The following LRRC4C variants were observed in gnomAD, a reference collection of about 807,000 sequenced individuals.
The protein encoded by LRRC4C is leucine-rich repeat-containing protein 4C.
In LRRC4C, 5 loss-of-function variants were observed where a neutral mutation model predicts 33.6. The observed-to-expected ratio is 0.15, with a 90% CI of 0.08 to 0.31. The LOEUF (loss-of-function observed/expected upper bound fraction) is 0.31, where lower values mean the gene tolerates loss of function less well. Among genes scored for constraint, LRRC4C ranks in the 10% least tolerant of loss-of-function variants. LRRC4C has a pLI of 1.00. For missense variants in LRRC4C, 560 were observed against 796.7 expected (o/e 0.70, Z 3.58); for synonymous variants, 329 against 302.0 (o/e 1.09, Z -0.93).
intron 1 of LRRC4C, among the ~76,000 whole-genome samples, chr11:40,964,412 C>T (rs1674349757): frequency 6.6e-6 from 1 of 151,670 alleles, no homozygotes; most frequent in African/African-American, 2.4e-5. Flanking sequence ...GCTACATGTG[C>T]ACAACGTGCA....
intron 1 of LRRC4C, among the ~76,000 whole-genome samples, chr11:41,240,699 T>C (rs1317029686): frequency 6.6e-6 from 1 of 152,156 alleles, no homozygotes; most frequent in Non-Finnish European, 1.5e-5. Flanking sequence ...ACTTTCTTGC[T>C]GATAAATTGG....
intron 1 of LRRC4C, among the ~76,000 whole-genome samples, chr11:40,955,751 A>T (rs1433931104): frequency 6.6e-6 from 1 of 151,890 alleles, no homozygotes; most frequent in Non-Finnish European, 1.5e-5. Context: ...CTTGCTTTGG[A>T]AAATGCAGAC....
At chr11:40,477,049 CAGAA>C (rs753959194) in intron 3 of LRRC4C, among the ~76,000 whole-genome samples, 6 of 152,190 alleles carry the variant, frequency 3.9e-5, no homozygotes, top group Non-Finnish European at 5.9e-5. Context: ...GGTCTCAGGC[CAGAA>C]CTGTCTGATT....
intron 1 of LRRC4C, among the ~76,000 whole-genome samples, chr11:41,013,993 C>T (rs560234830): frequency 8.5e-5 from 13 of 152,240 alleles, no homozygotes; most frequent in East Asian, 5.8e-4. Context: ...CCCATGACCG[C>T]GTCGCCTTTC....
chr11:40,406,727 A>G (rs1321699774), intron 3 of LRRC4C, among the ~76,000 whole-genome samples: 2 of 152,154 alleles, frequency 1.3e-5, no homozygotes, highest in African/African-American at 4.8e-5. Flanking sequence ...ATATGTATTG[A>G]AAATAAAATC....
At chr11:40,998,947 T>C (rs549668930) in intron 1 of LRRC4C, among the ~76,000 whole-genome samples, 1 of 152,256 alleles carries the variant, frequency 6.6e-6, no homozygotes, top group African/African-American at 2.4e-5. Flanking sequence ...ATGTATTAAA[T>C]TCTTAAATGA....
At chr11:41,243,515 A>G (rs919986354) in intron 1 of LRRC4C, among the ~76,000 whole-genome samples, 2 of 152,154 alleles carry the variant, frequency 1.3e-5, no homozygotes, top group African/African-American at 4.8e-5. Context: ...TTCCCAGATA[A>G]GTATTTCCTT....
At chr11:40,591,289 T>G (rs891834962) in intron 3 of LRRC4C, among the ~76,000 whole-genome samples, 1 of 152,180 alleles carries the variant, frequency 6.6e-6, no homozygotes, top group African/African-American at 2.4e-5. Context: ...GGGAACTCCC[T>G]GACCCCTTGT....
At chr11:40,276,903 G>C (rs760572259) in intron 4 of LRRC4C, among the ~76,000 whole-genome samples, 5 of 152,066 alleles carry the variant, frequency 3.3e-5, no homozygotes, top group Non-Finnish European at 7.4e-5. Flanking sequence ...CGGAGAAGCT[G>C]AAAATGGCAA....
At chr11:40,614,137 G>A (rs1468534362) in intron 3 of LRRC4C, among the ~76,000 whole-genome samples, 2 of 151,862 alleles carry the variant, frequency 1.3e-5, no homozygotes, top group Admixed American at 6.6e-5. Flanking sequence ...AAGCCATGAA[G>A]TCAGGTATTG....
intron 1 of LRRC4C, among the ~76,000 whole-genome samples, chr11:41,069,748 T>G (rs961115825): frequency 6.6e-6 from 1 of 152,104 alleles, no homozygotes; most frequent in Non-Finnish European, 1.5e-5. Context: ...TACAAACCAC[T>G]GCTCAAGGAA....
intron 2 of LRRC4C, among the ~76,000 whole-genome samples, chr11:40,916,877 T>C (rs895003400): frequency 6.6e-6 from 1 of 152,084 alleles, no homozygotes; most frequent in African/African-American, 2.4e-5. Context: ...ATGAAATATG[T>C]ATATTATCAA....
intron 2 of LRRC4C, among the ~76,000 whole-genome samples, chr11:40,709,585 G>T (rs918162560): frequency 2.6e-5 from 4 of 152,184 alleles, no homozygotes; most frequent in Non-Finnish European, 4.4e-5. Flanking sequence ...CTGTTAGTCT[G>T]ATGGGCTTCC....
intron 1 of LRRC4C, among the ~76,000 whole-genome samples, chr11:41,039,359 C>T (rs890514409): frequency 6.6e-6 from 1 of 152,180 alleles, no homozygotes; most frequent in South Asian, 2.1e-4. Flanking sequence ...AGTATTAACA[C>T]TTCTGTGTTA....
At chr11:41,045,360 C>T (rs940046903) in intron 1 of LRRC4C, among the ~76,000 whole-genome samples, 1 of 152,060 alleles carries the variant, frequency 6.6e-6, no homozygotes, top group Non-Finnish European at 1.5e-5. Flanking sequence ...CAAGCTGTTT[C>T]GTTCCCATAA....
intron 5 of LRRC4C, among the ~76,000 whole-genome samples, chr11:40,144,042 A>G (rs1345173256): frequency 6.6e-6 from 1 of 152,184 alleles, no homozygotes; most frequent in Non-Finnish European, 1.5e-5. Flanking sequence ...AAGTTCATAA[A>G]TTCTATCATC....
intron 2 of LRRC4C, among the ~76,000 whole-genome samples, chr11:40,662,743 T>G (rs1943510423): frequency 1.3e-5 from 2 of 152,200 alleles, no homozygotes; most frequent in African/African-American, 4.8e-5. Context: ...ATTTAATAAT[T>G]AAGTAACTCT....
At chr11:40,285,950 G>C (rs942683132) in intron 4 of LRRC4C, among the ~76,000 whole-genome samples, 1 of 151,914 alleles carries the variant, frequency 6.6e-6, no homozygotes, top group Admixed American at 6.6e-5. Flanking sequence ...TTGTGTTTCT[G>C]TTTTCAAGTG....
intron 3 of LRRC4C, among the ~76,000 whole-genome samples, chr11:40,390,914 C>G (rs1949309607): frequency 6.6e-6 from 1 of 151,980 alleles, no homozygotes; most frequent in Admixed American, 6.6e-5. Flanking sequence ...CAGAGTGTTG[C>G]TCTGTCACCC....
Sources: gnomAD v4.1 joint callset for allele counts (sites outside exome capture counted in the v4.1 genomes callset) on GRCh38, gnomAD v4.1.1 for gene constraint, MANE v1.5 for transcripts, NCBI Gene and HGNC (gene_info 2026-07-23, HGNC 2026-07-21) for gene names.